CACNA1E: variants seen among roughly 807,000 people sequenced by gnomAD.
The protein encoded by CACNA1E is calcium voltage-gated channel subunit alpha1 E.
Under a neutral mutation model 259.2 loss-of-function variants are expected in CACNA1E, and 40 were observed. That is an observed-to-expected ratio of 0.15 (90% confidence interval 0.12 to 0.20). The LOEUF (loss-of-function observed/expected upper bound fraction) is 0.20. CACNA1E is among the 10% of genes least tolerant of loss of function. The pLI, the probability that CACNA1E is intolerant of heterozygous loss-of-function variation, is 1.00. For synonymous variants in CACNA1E, 1,104 were observed against 1,138.5 expected (o/e 0.97, Z 0.61); for missense variants, 1,874 against 3,040.1 (o/e 0.62, Z 9.02).
chr1:181,634,980 T>C (rs1378435909), intron 6 of CACNA1E, among the ~76,000 whole-genome samples: 1 of 152,232 alleles, frequency 6.6e-6, no homozygotes, highest in African/African-American at 2.4e-5. Flanking sequence ...AGGGAAGCCA[T>C]GCCATCCTAG....
At chr1:181,381,207 G>A (rs1655439008) in intron 1 of CACNA1E, among the ~76,000 whole-genome samples, 1 of 151,376 alleles carries the variant, frequency 6.6e-6, no homozygotes, top group Non-Finnish European at 1.5e-5. Context: ...CTGTACACAA[G>A]AGTTCATAGA....
intron 2 of CACNA1E, among the ~76,000 whole-genome samples, 154 bp downstream of exon 2, chr1:181,510,736 A>T (rs981869893): frequency 1.3e-5 from 2 of 152,092 alleles, no homozygotes; most frequent in Non-Finnish European, 2.9e-5. Context: ...CCCCATGGGG[A>T]TTCACACGGA....
chr1:181,737,796 C>A, intron 23 of CACNA1E, 142 bp downstream of exon 23: 3 of 1,154,558 alleles, frequency 2.6e-6, no homozygotes, highest in Non-Finnish European at 2.5e-6. Flanking sequence ...TTCCTCAGGG[C>A]GAAGTATGAA....
At chr1:181,349,699 G>A (rs1316965322) in intron 1 of CACNA1E, among the ~76,000 whole-genome samples, 1 of 152,022 alleles carries the variant, frequency 6.6e-6, no homozygotes, top group Admixed American at 6.5e-5. Flanking sequence ...GGCCTGTGTA[G>A]GGAGGACTCC....
chr1:181,441,833 G>A (rs1366029189), intron 2 of CACNA1E, among the ~76,000 whole-genome samples: 1 of 152,214 alleles, frequency 6.6e-6, no homozygotes, highest in Admixed American at 6.5e-5. Flanking sequence ...AGCATAGTAG[G>A]AAAGGGGCCA....
chr1:181,349,930 G>T (rs1353303250), intron 1 of CACNA1E, among the ~76,000 whole-genome samples: 2 of 152,192 alleles, frequency 1.3e-5, no homozygotes, highest in East Asian at 3.9e-4. Context: ...CTGGCGTGTA[G>T]TTGGCCTTTC....
At chr1:181,483,135 G>C (rs889002266), upstream of CACNA1E, among the ~76,000 whole-genome samples, 1 of 152,200 alleles carries the variant, frequency 6.6e-6, no homozygotes, top group Non-Finnish European at 1.5e-5. Context: ...AAAGACCCAA[G>C]TCTTCGCGGT....
chr1:181,790,535 G>A lies in CACNA1E; in HGVS notation c.5877G>A (p.Gln1959=). ...GTATGGACCCCGCCGATGACGGACA[G>A]TTCCAAGAACGGCAGTCTCTGGTGA... is the stretch of plus-strand genomic sequence containing the variant. ...LACMDPADDG[Q]FQERQSLEPE... is the part of the protein sequence containing the mutation. The change falls in exon 44 of 48, where the codon CAG becomes CAA. Residue 1959 remains glutamine (Q), a synonymous_variant. Coordinates refer to ENST00000367573, the MANE Select transcript of CACNA1E (RefSeq NM_001205293.3). 1 of 1,609,664 alleles carries A rather than the reference G, an allele frequency of 6.2e-7. No homozygotes were observed. The highest frequency in any genetic ancestry group is 8.5e-7 in the Non-Finnish European group (1 of 1,175,826).
intron 2 of CACNA1E, among the ~76,000 whole-genome samples, chr1:181,441,850 G>T (rs1418712951): frequency 6.6e-6 from 1 of 152,196 alleles, no homozygotes; most frequent in African/African-American, 2.4e-5. Flanking sequence ...GCCAGAGAAA[G>T]TGGCTGGCAG....
chr1:181,769,727 A>G (rs1659336956), intron 35 of CACNA1E, among the ~76,000 whole-genome samples: 1 of 152,238 alleles, frequency 6.6e-6, no homozygotes, highest in Admixed American at 6.5e-5. Context: ...TCAACTCATG[A>G]TACCTCCAGA....
intron 2 of CACNA1E, among the ~76,000 whole-genome samples, chr1:181,457,320 T>TG (rs1180161291): frequency 1.3e-5 from 2 of 152,132 alleles, no homozygotes; most frequent in South Asian, 2.1e-4. Context: ...ACCATCCCCG[T>TG]GGGGGGTTAG....
chr1:181,753,354 G>A (rs557994329), intron 27 of CACNA1E, among the ~76,000 whole-genome samples: 1 of 152,308 alleles, frequency 6.6e-6, no homozygotes, highest in Admixed American at 6.5e-5. Flanking sequence ...TCCTAAACGG[G>A]CTTCCCAGGT....
At chr1:181,372,818 A>G (rs1347339971) in intron 1 of CACNA1E, among the ~76,000 whole-genome samples, 1 of 132,994 alleles carries the variant, frequency 7.5e-6, no homozygotes, top group Non-Finnish European at 1.6e-5. Flanking sequence ...GAATATATAT[A>G]TATATATATA....
rs183544081 is a variant in CACNA1E, at chr1:181,588,843, T to G, written c.951+8067T>G. 2.2e-4 allele frequency among the ~76,000 whole-genome samples: 34 copies of G among 152,298 alleles called. No homozygotes were observed. In the East Asian group the frequency reaches 6.6e-3, roughly 29 times the overall value. On this transcript the variant is annotated intron_variant, in intron 6 of 47. Coordinates refer to ENST00000367573, the MANE Select transcript of CACNA1E (RefSeq NM_001205293.3). ...AGGCCTTAGGACTGAGGGGCAGAAA[T>G]TAGCTGGAGGTGGTGCGTTGGTGAC...
intron 6 of CACNA1E, among the ~76,000 whole-genome samples, chr1:181,589,556 T>A (rs546898226): frequency 1.9e-4 from 29 of 151,930 alleles, no homozygotes; most frequent in African/African-American, 7.0e-4. Context: ...AGTGGATAAT[T>A]TAAAGTGAAC....
At chr1:181,450,283 G>T (rs1450739916) in intron 2 of CACNA1E, among the ~76,000 whole-genome samples, 1 of 152,190 alleles carries the variant, frequency 6.6e-6, no homozygotes, top group Non-Finnish European at 1.5e-5. Flanking sequence ...TATGAGATTT[G>T]GGTGGGGACA....
At chr1:181,671,833 C>T (rs553180305) in intron 7 of CACNA1E, among the ~76,000 whole-genome samples, 22 of 152,298 alleles carry the variant, frequency 1.4e-4, no homozygotes, top group African/African-American at 4.6e-4. Flanking sequence ...AAAAGGATGC[C>T]TTTGTGAGCT....
Position 181,732,935 on chromosome 1 carries a change from A to G in CACNA1E, c.2849A>G (p.Glu950Gly). 6.2e-7 allele frequency: 1 copy of G among 1,614,008 alleles called. No individual in the cohort carries two copies. Among genetic ancestry groups the G allele is most frequent in the East Asian group, 2.2e-5 (1 of 44,874 alleles). The change falls in exon 20 of 48, where the codon GAA (glutamate) becomes GGA (glycine). Residue 950 changes from glutamate (E) to glycine (G), a missense_variant. Physicochemically the swap from Glu to Gly is moderately conservative, Grantham distance 98. Around this residue, in one of 14 missense-constraint regions of CACNA1E, gnomAD observed 476 missense variants for 514.0 expected, o/e 0.93. Transcript: ENST00000367573. The surrounding 1 kb of genome is among the most constrained non-coding windows in gnomAD (Gnocchi z 5.5). ...RSASQERSLD[E>G]AMPTEGEKDH... ...GCCAGCCAGGAACGCAGTCTGGATG[A>G]AGCCATGCCCACTGAAGGGGAGAAG... is the stretch of plus-strand genomic sequence containing the variant.
At chr1:181,696,521 T>C (rs191463647) in intron 7 of CACNA1E, among the ~76,000 whole-genome samples, 47 of 152,316 alleles carry the variant, frequency 3.1e-4, no homozygotes, top group Middle Eastern at 3.4e-3. Flanking sequence ...GTAAAGCCTA[T>C]ACTTACTAGT....
Sources: allele counts gnomAD v4.1 joint callset (sites outside exome capture counted in the v4.1 genomes callset), GRCh38; gene constraint gnomAD v4.1.1; regional missense constraint gnomAD v4.1.1; non-coding constraint Gnocchi (gnomAD v3.1); transcripts MANE v1.5; gene names NCBI Gene and HGNC (gene_info 2026-07-23, HGNC 2026-07-21).